Variants in B4GALT3 observed in about 807,000 individuals in gnomAD.
B4GALT3 encodes N-acetyllactosamine synthase.
A neutral mutation model predicts 40.7 loss-of-function variants in B4GALT3; 29 were observed. The observed-to-expected ratio is 0.71, with a 90% confidence interval of 0.53 to 0.97. B4GALT3 has a LOEUF of 0.97. Ranked by LOEUF, B4GALT3 falls within the 50% of genes least tolerant of loss-of-function variation. B4GALT3 has a pLI of 0.00. For missense variants in B4GALT3, 390 were observed against 522.3 expected, an observed-to-expected ratio of 0.75 and a Z score of 2.47; for synonymous variants, 182 against 203.9, an observed-to-expected ratio of 0.89 and a Z score of 0.92.
Position 161,173,495 on chromosome 1 carries a change from G to A in B4GALT3, c.803+110C>T, listed in dbSNP as rs544601861. The A allele has an allele frequency of 1.6e-5, 24 of 1,501,356 alleles. No homozygotes were observed. The South Asian group carries it at 2.9e-4, about 18-fold the overall frequency. 93.0% of individuals were successfully genotyped at this position (1,501,356 alleles called of 1,614,324 possible). A position where few individuals can be genotyped will look rare whatever the true frequency, so the allele number is the denominator to read the frequency against. ...ACTAAGGGAAAGGAATGGGCTCAGT[G>A]CAGGACCAGGGAGCTAAAGGTTAGT... On this transcript the variant is annotated intron_variant, in intron 6 of 7. Transcript: ENST00000319769.
At position 161,173,916 on chromosome 1, in the gene B4GALT3, A is replaced by G. The variant is rs1234978797; in HGVS notation, c.623T>C (p.Val208Ala). Residue 208 changes from valine to alanine, a missense_variant, in exon 5 of 8, where the codon GTG becomes GCG. This residue lies in a region of B4GALT3 where 135 missense variants were observed against 227.8 expected (regional missense o/e 0.59). Transcript: ENST00000319769. ...LLPENDHNLY[V>A]CDPRGPRHVA... ...ATGGCGGGGTCCCCGGGGGTCACAC[A>G]CATACAGATTGTGGTCATTTTCTGG... The G allele has an allele frequency of 2.5e-6, 4 of 1,614,058 alleles. No homozygotes were observed. Among genetic ancestry groups the G allele is most frequent in the Admixed American group, 3.3e-5 (2 of 60,008 alleles).
At chr1:161,176,247 C>G (rs1403758829) in intron 2 of B4GALT3, 173 bp from the exon 3 acceptor site, 2 of 726,998 alleles carry the variant, frequency 2.8e-6, no homozygotes, top group Non-Finnish European at 4.4e-6. Flanking sequence ...ATGTAACCAC[C>G]AGTAACCCTA....
chr1:161,171,339 T>C lies in B4GALT3; in HGVS notation c.*477A>G, dbSNP rs937431945. The C allele has an allele frequency of 8.2e-7, 1 of 1,222,688 alleles. No individual in the cohort carries two copies. Among genetic ancestry groups the C allele is most frequent in the East Asian group, 2.5e-5 (1 of 39,490 alleles). The allele number at this position is 1,222,688 out of a possible 1,614,324, so 75.7% of individuals were successfully genotyped here. A position where few individuals can be genotyped will look rare whatever the true frequency, so the allele number is the denominator to read the frequency against. ...AGACAAAGTCCTTTATTAGAAAATA[T>C]ATCAAAATCCCAGCCCCCTGAGCCA... On this transcript the variant is annotated 3_prime_UTR_variant, in exon 8 of 8. Transcript: ENST00000319769.
chr1:161,173,665 A>G lies in B4GALT3; in HGVS notation c.743T>C (p.Met248Thr), dbSNP rs764280726. 5.6e-6 allele frequency: 9 copies of G among 1,614,190 alleles called. No homozygotes were observed. The highest frequency in any genetic ancestry group is 7.6e-6 in the Non-Finnish European group (9 of 1,180,050). Reference protein sequence around the residue: ...SALTPDQYLKMNGFPNEYWGW... With the variant: ...SALTPDQYLKTNGFPNEYWGW... ...CCAGTATTCATTGGGGAAGCCATTC[A>G]TCTTCAGGTACTGGTCAGGAGTAAG... is the stretch of plus-strand genomic sequence containing the variant. The change falls in exon 6 of 8, where the codon ATG (methionine) becomes ACG (threonine). Residue 248 changes from methionine to threonine, a missense_variant. Around this residue, in one of 3 missense-constraint regions of B4GALT3, gnomAD observed 135 missense variants for 227.8 expected, o/e 0.59. Transcript: ENST00000319769.
intron 6 of B4GALT3, 25 bp from the exon 7 acceptor site, chr1:161,172,356 G>C (rs1208071122): frequency 6.3e-7 from 1 of 1,596,386 alleles, no homozygotes; most frequent in East Asian, 2.2e-5. Context: ...AGGGTATCAT[G>C]GGGGATCCAG....
intron 5 of B4GALT3, 56 bp from the exon 6 acceptor site, chr1:161,173,783 C>T: frequency 1.2e-6 from 2 of 1,611,666 alleles, no homozygotes. Context: ...CATCCCCAAC[C>T]ACAATCCGCT....
intron 6 of B4GALT3, 56 bp from the exon 7 acceptor site, chr1:161,172,387 G>A (rs1661783847): frequency 6.8e-7 from 1 of 1,480,222 alleles, no homozygotes; most frequent in South Asian, 1.2e-5. Flanking sequence ...AGCAAGGAAG[G>A]GATTAAATGT....
Position 161,174,982 on chromosome 1 carries a change from AT to A in B4GALT3, c.489+10del, listed in dbSNP as rs1342450075. ...GAAAGTCAGTCAAAATGAGGTGGAG[AT>A]TGGGGGTACCTGGTGGATGACATAG... On this transcript the variant is annotated intron_variant, in intron 4 of 7. Coordinates refer to ENST00000319769, the MANE Select transcript of B4GALT3 (RefSeq NM_003779.4). 6.2e-7 allele frequency: 1 copy of A among 1,612,026 alleles called. No individual in the cohort carries two copies. Among genetic ancestry groups the A allele is most frequent in the Non-Finnish European group, 8.5e-7 (1 of 1,178,888 alleles).
In B4GALT3 at chr1:161,176,484, G is replaced by C; in HGVS notation, c.-65C>G. 2.6e-6 allele frequency: 1 copy of C among 378,082 alleles called. No individual in the cohort carries two copies. The highest frequency in any genetic ancestry group is 2.0e-5 in the African/African-American group (1 of 48,978). The allele number at this position is 378,082 out of a possible 1,614,324, so 23.4% of individuals were successfully genotyped here. On this transcript the variant is annotated 5_prime_UTR_variant, in exon 2 of 8. Transcript: ENST00000319769. ...ATCATGGGGGCTCCAGGGGGTCCCG[G>C]GGGGACAGAGATGTGAGGCATTATC... is the stretch of plus-strand genomic sequence containing the variant.
Position 161,173,852 on chromosome 1 carries a change from C to T in B4GALT3, c.680+7G>A, listed in dbSNP as rs1463362240. The T allele has an allele frequency of 6.2e-7, 1 of 1,613,130 alleles. No homozygotes were observed. Among genetic ancestry groups the T allele is most frequent in the South Asian group, 1.1e-5 (1 of 90,964 alleles). ...CCTGTTTCCCAGTACCCTTCCATGC[C>T]CTCTACCTGTATCCAAACTTGTTCA... On this transcript the variant is annotated splice_region_variant and intron_variant, in intron 5 of 7. Coordinates refer to ENST00000319769, the MANE Select transcript of B4GALT3 (RefSeq NM_003779.4).
At chr1:161,177,063 C>G in intron 1 of B4GALT3, 1 of 1,535,802 alleles carries the variant, frequency 6.5e-7, no homozygotes, top group Non-Finnish European at 8.7e-7. Context: ...TCTACCTTTT[C>G]TACCTTTCCC....
Position 161,177,471 on chromosome 1 carries a change from C to G in B4GALT3, c.-209G>C, listed in dbSNP as rs572342747. 5.8e-6 allele frequency: 1 copy of G among 172,950 alleles called. No individual in the cohort carries two copies. Among genetic ancestry groups the G allele is most frequent in the South Asian group, 1.2e-4 (1 of 8,562 alleles). 10.7% of individuals were successfully genotyped at this position (172,950 alleles called of 1,614,324 possible). A position where few individuals can be genotyped will look rare whatever the true frequency, so the allele number is the denominator to read the frequency against. ...ACCGCCACCCCAACAGCCGGGCAGGCATCGCTGCCGCCATCTTGGAAGCGG... is the reference window on the plus strand; with the variant it reads ...ACCGCCACCCCAACAGCCGGGCAGGGATCGCTGCCGCCATCTTGGAAGCGG... On this transcript the variant is annotated 5_prime_UTR_variant, in exon 1 of 8. An upstream start codon of the reference 5' UTR is lost. Coordinates refer to ENST00000319769, the MANE Select transcript of B4GALT3 (RefSeq NM_003779.4).
Position 161,176,433 on chromosome 1 carries a change from C to T in B4GALT3, c.-15+1G>A. On this transcript the variant is annotated splice_donor_variant, in intron 2 of 7. Coordinates refer to ENST00000319769, the MANE Select transcript of B4GALT3 (RefSeq NM_003779.4). LOFTEE classifies it low-confidence loss of function (5UTR_SPLICE). ...TTTTAGAAGGGAAGAGATAGACTCA[C>T]CTAGGTTCAAGCTGTCTTCTTAGGG... 5.1e-6 allele frequency: 2 copies of T among 388,374 alleles called. No homozygotes were observed. The highest frequency in any genetic ancestry group is 9.5e-6 in the Non-Finnish European group (2 of 210,676). The allele number at this position is 388,374 out of a possible 1,614,324, so 24.1% of individuals were successfully genotyped here. A position where few individuals can be genotyped will look rare whatever the true frequency, so the allele number is the denominator to read the frequency against.
chr1:161,174,145 C>T (rs111806640), intron 4 of B4GALT3, 96 bp from the exon 5 acceptor site: 81 of 1,321,608 alleles, frequency 6.1e-5, no homozygotes, highest in African/African-American at 1.3e-4. Context: ...CGGTGGCTTA[C>T]GCCTGTAATC....
At position 161,171,699 on chromosome 1, in the gene B4GALT3, G is replaced by T; in HGVS notation, c.*117C>A. On this transcript the variant is annotated 3_prime_UTR_variant, in exon 8 of 8. Transcript: ENST00000319769. ...GTGAGGGAGAGGCCCCTACCCCCTA[G>T]CACGGCACCAGAGTTCAGTTCCCTC... 2 of 1,424,380 alleles carry T rather than the reference G, an allele frequency of 1.4e-6. No individual in the cohort carries two copies. The highest frequency in any genetic ancestry group is 1.9e-6 in the Non-Finnish European group (2 of 1,047,648). The allele number at this position is 1,424,380 out of a possible 1,614,324, so 88.2% of individuals were successfully genotyped here.
chr1:161,176,462 A>G lies in B4GALT3; in HGVS notation c.-43T>C. On this transcript the variant is annotated 5_prime_UTR_variant, in exon 2 of 8. The change abolishes an upstream ATG in the 5' untranslated region. Transcript: ENST00000319769. ...GGTTCAAGCTGTCTTCTTAGGGATC[A>G]TGGGGGCTCCAGGGGGTCCCGGGGG... The G allele has an allele frequency of 2.7e-6, 1 of 373,114 alleles. No individual in the cohort carries two copies. Among genetic ancestry groups the G allele is most frequent in the Non-Finnish European group, 5.0e-6 (1 of 201,760 alleles). 23.1% of individuals were successfully genotyped at this position (373,114 alleles called of 1,614,324 possible). A position where few individuals can be genotyped will look rare whatever the true frequency, so the allele number is the denominator to read the frequency against.
At position 161,175,360 on chromosome 1, in the gene B4GALT3, C is replaced by T; in HGVS notation, c.254-132G>A. 6.2e-6 allele frequency: 5 copies of T among 802,222 alleles called. No individual in the cohort carries two copies. The South Asian group carries it at 8.2e-5, about 13-fold the overall frequency. The allele number at this position is 802,222 out of a possible 1,614,324, so 49.7% of individuals were successfully genotyped here. The stretch of plus-strand genomic sequence containing the variant: ...GTTCTCAGGGCTCACTCAGAAATCT[C>T]GCATGCCTTGGATTACCTATCACTG... On this transcript the variant is annotated intron_variant, in intron 3 of 7. Coordinates refer to ENST00000319769, the MANE Select transcript of B4GALT3 (RefSeq NM_003779.4).
chr1:161,176,867 T>G, intron 1 of B4GALT3: 2 of 1,535,836 alleles, frequency 1.3e-6, no homozygotes, highest in African/African-American at 2.7e-5. Context: ...CCAGTTGAAG[T>G]GGCGACAGAG....
At position 161,176,586 on chromosome 1, in the gene B4GALT3, C is replaced by T. The variant is rs1006145238; in HGVS notation, c.-160-7G>A. The stretch of plus-strand genomic sequence containing the variant: ...GCAGCGAATCTGGGACCAGCTGGAA[C>T]AGAAGTGGTAAAGGATAACTAGCTA... On this transcript the variant is annotated splice_polypyrimidine_tract_variant and splice_region_variant and intron_variant, in intron 1 of 7. Transcript: ENST00000319769. 1.7e-5 allele frequency: 9 copies of T among 516,658 alleles called. No homozygotes were observed. Among genetic ancestry groups the T allele is most frequent in the African/African-American group, 1.5e-4 (8 of 52,268 alleles). The allele number at this position is 516,658 out of a possible 1,614,324, so 32.0% of individuals were successfully genotyped here.
Sources: allele counts gnomAD v4.1 joint callset, GRCh38; gene constraint gnomAD v4.1.1; regional missense constraint gnomAD v4.1.1; transcripts MANE v1.5; gene names NCBI Gene and HGNC (gene_info 2026-07-23, HGNC 2026-07-21).